FUT8: variants seen among roughly 807,000 people sequenced by gnomAD.
FUT8 encodes the protein alpha-(1,6)-fucosyltransferase.
Under a neutral mutation model 71.3 loss-of-function variants are expected in FUT8, and 29 were observed. The observed-to-expected ratio is 0.41, with a 90% CI of 0.30 to 0.55. The LOEUF (loss-of-function observed/expected upper bound fraction) is 0.55. FUT8 is among the 20% of genes least tolerant of loss of function. The probability of loss-of-function intolerance (pLI) is 0.34; values close to 1 mark genes in which losing one functional copy is unlikely to be tolerated. For synonymous variants in FUT8, 254 were observed against 239.3 expected, an observed-to-expected ratio of 1.06 and a Z score of -0.57; for missense variants, 544 against 702.1, an observed-to-expected ratio of 0.77 and a Z score of 2.55.
chr14:65,679,818 C>A lies in FUT8; in HGVS notation c.835+10338C>A, dbSNP rs575230538. 2.6e-5 allele frequency among the ~76,000 whole-genome samples: 4 copies of A among 152,280 alleles called. No homozygotes were observed. In the East Asian group the frequency reaches 7.7e-4, roughly 29 times the overall value. ...AGTGTGTCACATATAAAATCTTATG[C>A]TCTAAAAAAGGGCTTGACAAACTAT... On this transcript the variant is annotated intron_variant, in intron 7 of 10. Transcript: ENST00000673929.
chr14:65,411,705 C>A, upstream of FUT8: 1 of 276,432 alleles, frequency 3.6e-6, no homozygotes, highest in Non-Finnish European at 7.1e-6. Flanking sequence ...CCATTTCGCT[C>A]TCCCACCGTA....
At chr14:65,667,322 A>G (rs575720215) in intron 6 of FUT8, among the ~76,000 whole-genome samples, 291 of 152,316 alleles carry the variant, frequency 1.9e-3, no homozygotes, top group Non-Finnish European at 2.8e-3. Context: ...AACTTCAGCA[A>G]AGTTTCATGC....
the FUT8 span, among the ~76,000 whole-genome samples, chr14:65,371,555 TG>T: frequency 2.9e-4 from 44 of 152,230 alleles, no homozygotes; most frequent in Non-Finnish European, 6.2e-4. Flanking sequence ...TAAGTAATTA[TG>T]AGGGATTTAC....
At chr14:65,551,537 A>T (rs1236491863) in intron 2 of FUT8, among the ~76,000 whole-genome samples, 1 of 152,146 alleles carries the variant, frequency 6.6e-6, no homozygotes, top group Non-Finnish European at 1.5e-5. Context: ...ATCTTACGTA[A>T]AGTATTCTTA....
chr14:65,374,515 C>T, the FUT8 span, among the ~76,000 whole-genome samples: 1 of 152,116 alleles, frequency 6.6e-6, no homozygotes, highest in African/African-American at 2.4e-5. Flanking sequence ...TATTTTGGCA[C>T]TATTGGTTCC....
intron 1 of FUT8, among the ~76,000 whole-genome samples, chr14:65,446,275 C>CTTA (rs2065739729): frequency 6.6e-6 from 1 of 152,194 alleles, no homozygotes; most frequent in Non-Finnish European, 1.5e-5. Context: ...TGCAGTTTAA[C>CTTA]ACTTTCCTCT....
At position 65,467,919 on chromosome 14, in the gene FUT8, G is replaced by T; in HGVS notation, c.-228+12201G>T. ...AGGCTGGTGCTTCAGTAGAACCCGG[G>T]TACCTTTCTCTTTGGCTTCTTTCTT... is the stretch of plus-strand genomic sequence containing the variant. On this transcript the variant is annotated intron_variant, in intron 2 of 10. Transcript: ENST00000673929. This position sits in a 1 kb window ranked among gnomAD's most constrained non-coding sequence, Gnocchi z 4.1. 1.3e-6 allele frequency: 1 copy of T among 749,734 alleles called. No individual in the cohort carries two copies. Among genetic ancestry groups the T allele is most frequent in the Non-Finnish European group, 2.5e-6 (1 of 400,698 alleles). 46.4% of individuals were successfully genotyped at this position (749,734 alleles called of 1,614,324 possible).
At chr14:65,460,964 T>G (rs1420868005) in intron 2 of FUT8, among the ~76,000 whole-genome samples, 2 of 152,226 alleles carry the variant, frequency 1.3e-5, no homozygotes, top group African/African-American at 4.8e-5. Flanking sequence ...ATTAAGACAG[T>G]GGACTGGTAA....
At chr14:65,394,799 G>A in the FUT8 span, among the ~76,000 whole-genome samples, 2 of 149,178 alleles carry the variant, frequency 1.3e-5, no homozygotes, top group Non-Finnish European at 3.0e-5. Flanking sequence ...TGCCCAGAGT[G>A]CAGCGGCATG....
intron 1 of FUT8, among the ~76,000 whole-genome samples, chr14:65,419,632 A>T (rs562952886): frequency 5.3e-5 from 8 of 152,320 alleles, no homozygotes; most frequent in Middle Eastern, 3.4e-3. Flanking sequence ...ATGTCAAAAG[A>T]TTGTAATTTT....
At chr14:65,507,407 T>C (rs1326540684) in intron 2 of FUT8, among the ~76,000 whole-genome samples, 3 of 152,190 alleles carry the variant, frequency 2.0e-5, no homozygotes, top group Non-Finnish European at 2.9e-5. Flanking sequence ...GTCTTATTCA[T>C]TCATCCTGTT....
intron 1 of FUT8, among the ~76,000 whole-genome samples, chr14:65,447,576 T>G (rs1246033745): frequency 6.6e-6 from 1 of 152,120 alleles, no homozygotes; most frequent in Admixed American, 6.5e-5. Flanking sequence ...ATACCATTTT[T>G]TCAAATACAT....
chr14:65,468,113 A>G (rs2066073889), intron 2 of FUT8: 3 of 633,564 alleles, frequency 4.7e-6, no homozygotes, highest in Admixed American at 2.0e-5. Flanking sequence ...TTTGTTTACA[A>G]CTTGCTTACA....
chr14:65,711,211 G>T (rs1179477878), intron 7 of FUT8, among the ~76,000 whole-genome samples: 1 of 152,138 alleles, frequency 6.6e-6, no homozygotes, highest in Non-Finnish European at 1.5e-5. Context: ...AATGAATAAA[G>T]AATAAAAAAC....
At chr14:65,708,251 TCTC>T (rs1205685873) in intron 7 of FUT8, among the ~76,000 whole-genome samples, 1 of 152,206 alleles carries the variant, frequency 6.6e-6, no homozygotes, top group Non-Finnish European at 1.5e-5. Flanking sequence ...ACTTGGCACT[TCTC>T]CTTCCTGCTA....
At chr14:65,699,959 G>A (rs1375712643) in intron 7 of FUT8, among the ~76,000 whole-genome samples, 2 of 152,018 alleles carry the variant, frequency 1.3e-5, no homozygotes, top group African/African-American at 4.8e-5. Context: ...GTAATATTCT[G>A]TTTTTCCTCT....
intron 2 of FUT8, among the ~76,000 whole-genome samples, chr14:65,475,272 A>G (rs1232330586): frequency 1.3e-5 from 2 of 152,246 alleles, no homozygotes; most frequent in Non-Finnish European, 2.9e-5. Flanking sequence ...GATTTCCTCT[A>G]TAATAACATG....
At chr14:65,598,708 A>G (rs1286806051) in intron 3 of FUT8, among the ~76,000 whole-genome samples, 2 of 152,216 alleles carry the variant, frequency 1.3e-5, no homozygotes, top group Non-Finnish European at 2.9e-5. Context: ...TATAATTACT[A>G]TTCCAAAGGC....
intron 2 of FUT8, among the ~76,000 whole-genome samples, chr14:65,534,414 G>A (rs1215051671): frequency 1.3e-5 from 2 of 151,720 alleles, no homozygotes; most frequent in African/African-American, 2.4e-5. Flanking sequence ...CATGATGCTG[G>A]CCTTATAGAA....
Sources: allele counts gnomAD v4.1 joint callset (sites outside exome capture counted in the v4.1 genomes callset), GRCh38; gene constraint gnomAD v4.1.1; non-coding constraint Gnocchi (gnomAD v3.1); transcripts MANE v1.5; gene names NCBI Gene and HGNC (gene_info 2026-07-23, HGNC 2026-07-21).